Variants in SRGAP3 observed in about 807,000 individuals in gnomAD.
SRGAP3 encodes the protein SLIT-ROBO Rho GTPase-activating protein 3.
Under a neutral mutation model 121.1 loss-of-function variants are expected in SRGAP3, and 39 were observed. The observed-to-expected ratio is 0.32, with a 90% CI of 0.25 to 0.42. The LOEUF is 0.42. Among genes scored for constraint, SRGAP3 ranks in the 10% least tolerant of loss-of-function variants. The pLI, the probability that SRGAP3 is intolerant of heterozygous loss-of-function variation, is 1.00. For synonymous variants in SRGAP3, 601 were observed against 570.0 expected (o/e 1.05, Z -0.77); for missense variants, 1,213 against 1,470.6 (o/e 0.82, Z 2.86).
chr3:9,078,100 C>A (rs1947057897), intron 4 of SRGAP3, among the ~76,000 whole-genome samples: 1 of 152,096 alleles, frequency 6.6e-6, no homozygotes, highest in Non-Finnish European at 1.5e-5. Flanking sequence ...GAGGTTTGGT[C>A]TGAGTTTGAA....
Position 9,149,915 on chromosome 3 carries a change from C to T in SRGAP3, c.68-24998G>A, listed in dbSNP as rs192820426. 7.6e-3 allele frequency among the ~76,000 whole-genome samples: 1,153 copies of T among 152,334 alleles called. 28 individuals are homozygous for T. Among genetic ancestry groups the T allele is most frequent in the Non-Finnish European group, 5.7e-3 (387 of 68,040 alleles). On this transcript the variant is annotated intron_variant, in intron 1 of 21. Transcript: ENST00000383836. ...ATGCACCCCATCCAGCCAGCCATGG[C>T]TCCATCCATTCATTCACCATGGGTT...
intron 1 of SRGAP3, among the ~76,000 whole-genome samples, chr3:9,177,355 A>C (rs1224036701): frequency 9.9e-5 from 15 of 152,230 alleles, no homozygotes; most frequent in Admixed American, 9.8e-4. Flanking sequence ...TAAAGGAGGC[A>C]TTAACTAGGT....
At chr3:9,252,367 C>G (rs1235618533), upstream of SRGAP3, among the ~76,000 whole-genome samples, 1 of 152,110 alleles carries the variant, frequency 6.6e-6, no homozygotes, top group South Asian at 2.1e-4. Context: ...TCTCCCACCT[C>G]AGCCTCCCGA....
At position 9,317,087 on chromosome 3, in the gene SRGAP3, C is replaced by T. The variant is rs1313288837; in HGVS notation, n.442+8923G>A. Among the ~76,000 whole-genome samples the T allele has an allele frequency of 9.2e-5, 14 of 152,138 alleles. No individual in the cohort carries two copies. In the South Asian group the frequency reaches 2.7e-3, roughly 29 times the overall value. On this transcript the variant is annotated intron_variant and non_coding_transcript_variant, in intron 3 of 3. Coordinates refer to the SRGAP3 transcript ENST00000490889. ...CAACCCTCTGAAAAGTGAAAGCAGTCGAGGAAAAAGAAAAAGGGGCCAGCC... is the reference window on the plus strand; with the variant it reads ...CAACCCTCTGAAAAGTGAAAGCAGTTGAGGAAAAAGAAAAAGGGGCCAGCC...
rs187405354 is a variant in SRGAP3, at chr3:9,176,904, G to A, written c.68-51987C>T. 1.0e-3 allele frequency among the ~76,000 whole-genome samples: 159 copies of A among 152,234 alleles called. 1 individual carries two copies. Among genetic ancestry groups the A allele is most frequent in the Admixed American group, 2.0e-3 (31 of 15,302 alleles). On this transcript the variant is annotated intron_variant, in intron 1 of 21. Coordinates refer to ENST00000383836, the MANE Select transcript of SRGAP3 (RefSeq NM_014850.4). ...ACATTTCAACATGAGATTTGGGCAG[G>A]GACAAATATCCAGACTGTATCAACT...
rs1560139140 is a variant in SRGAP3, at chr3:9,096,993, A to ACG, written c.423+7686_423+7687insCG. Among the ~76,000 whole-genome samples the ACG allele has an allele frequency of 7.5e-4, 102 of 136,434 alleles. 1 individual carries two copies. Among genetic ancestry groups the ACG allele is most frequent in the African/African-American group, 2.6e-3 (98 of 37,170 alleles). The allele number at this position is 136,434 out of a possible 152,430, so 89.5% of individuals were successfully genotyped here. On this transcript the variant is annotated intron_variant, in intron 3 of 21. Transcript: ENST00000383836. ...TATATATATATATACACATACACAC[A>ACG]CATATATATATATTAGAGACAGGGT...
rs73122699 is a variant in SRGAP3, at chr3:9,284,111, G to A, written n.442+41899C>T. 8.9e-3 allele frequency among the ~76,000 whole-genome samples: 1,335 copies of A among 150,576 alleles called. 18 individuals are homozygous for A. The highest frequency in any genetic ancestry group is 0.03 in the African/African-American group (1,218 of 41,132). On this transcript the variant is annotated intron_variant and non_coding_transcript_variant, in intron 3 of 3. Coordinates refer to the SRGAP3 transcript ENST00000490889. ...AGAGTTGTATGTCACTCATTCTCCC[G>A]AGTTAAAAAAAAATGGTGTTTAATA...
intron 1 of SRGAP3, among the ~76,000 whole-genome samples, chr3:9,341,223 G>C (rs1046001195): frequency 6.6e-6 from 1 of 152,186 alleles, no homozygotes; most frequent in African/African-American, 2.4e-5. Context: ...GAGGAGGGGA[G>C]AGGAACACAA....
At chr3:9,281,564 C>T (rs202010528) in intron 3 of SRGAP3, among the ~76,000 whole-genome samples, 1 of 150,178 alleles carries the variant, frequency 6.7e-6, no homozygotes, top group African/African-American at 2.5e-5. Context: ...ATTATTATTA[C>T]TATTATTATG....
At chr3:9,138,739 C>T (rs188839687) in intron 1 of SRGAP3, among the ~76,000 whole-genome samples, 31 of 152,290 alleles carry the variant, frequency 2.0e-4, no homozygotes, top group East Asian at 1.5e-3. Context: ...AGATACACAA[C>T]GCACAGTTTA....
At chr3:9,205,917 T>G (rs1952250776) in intron 1 of SRGAP3, among the ~76,000 whole-genome samples, 1 of 152,144 alleles carries the variant, frequency 6.6e-6, no homozygotes, top group South Asian at 2.1e-4. Flanking sequence ...ACGGGGTACC[T>G]AGAGTAGTCA....
intron 1 of SRGAP3, among the ~76,000 whole-genome samples, chr3:9,208,046 T>C (rs1240702501): frequency 6.6e-6 from 1 of 152,152 alleles, no homozygotes; most frequent in Non-Finnish European, 1.5e-5. Context: ...CCCATCTCCC[T>C]ATCCAGACAG....
chr3:9,277,629 A>AAT (rs1954609204), intron 3 of SRGAP3, among the ~76,000 whole-genome samples: 1 of 150,054 alleles, frequency 6.7e-6, no homozygotes, highest in Admixed American at 6.7e-5. Flanking sequence ...AAAAAAAAAA[A>AAT]ATTAGCCAGG....
intron 1 of SRGAP3, among the ~76,000 whole-genome samples, chr3:9,346,971 G>C (rs1209610548): frequency 6.6e-6 from 1 of 151,934 alleles, no homozygotes; most frequent in Non-Finnish European, 1.5e-5. Context: ...GGCCAGGCTA[G>C]TCTCGAACTC....
At position 9,108,979 on chromosome 3, in the gene SRGAP3, G is replaced by A. The variant is rs373548454; in HGVS notation, c.261-4137C>T. ...TGATTCCGAGGCTCAGATCTTAGGC[G>A]ACTGGGTAGATGCTGATGACATGAA... On this transcript the variant is annotated intron_variant, in intron 2 of 21. Coordinates refer to ENST00000383836, the MANE Select transcript of SRGAP3 (RefSeq NM_014850.4). 3.3e-5 allele frequency among the ~76,000 whole-genome samples: 5 copies of A among 152,314 alleles called. No homozygotes were observed. The South Asian group carries it at 6.2e-4, about 19-fold the overall frequency.
At chr3:9,309,483 G>GT (rs1955208827) in intron 3 of SRGAP3, among the ~76,000 whole-genome samples, 1 of 152,146 alleles carries the variant, frequency 6.6e-6, no homozygotes, top group South Asian at 2.1e-4. Flanking sequence ...GCTTTAGAGA[G>GT]TAGCCTCCAA....
intron 3 of SRGAP3, among the ~76,000 whole-genome samples, chr3:9,284,808 G>A (rs534097984): frequency 2.7e-5 from 4 of 148,704 alleles, no homozygotes; most frequent in African/African-American, 1.0e-4. Flanking sequence ...ACTCCAGCCT[G>A]GGCAATAGAA....
chr3:9,113,052 G>C (rs1487106963), intron 2 of SRGAP3, among the ~76,000 whole-genome samples: 1 of 152,242 alleles, frequency 6.6e-6, no homozygotes, highest in African/African-American at 2.4e-5. Flanking sequence ...CAGAAAGTGA[G>C]TGTGGCCAGA....
At position 9,260,027 on chromosome 3, in the gene SRGAP3, T is replaced by C. The variant is rs552319217; in HGVS notation, n.442+65983A>G. ...AGCAGAAGCAGGGTGGGGCGTCGCCTTACCTGGGAAGCACAAGGAGTCAGG... is the reference window on the plus strand; with the variant it reads ...AGCAGAAGCAGGGTGGGGCGTCGCCCTACCTGGGAAGCACAAGGAGTCAGG... On this transcript the variant is annotated intron_variant and non_coding_transcript_variant, in intron 3 of 3. Coordinates refer to the SRGAP3 transcript ENST00000490889. 1.1e-4 allele frequency among the ~76,000 whole-genome samples: 17 copies of C among 151,714 alleles called. 1 individual carries two copies. The highest frequency in any genetic ancestry group is 1.1e-3 in the Admixed American group (17 of 15,256).
Sources: gnomAD v4.1 joint callset for allele counts (sites outside exome capture counted in the v4.1 genomes callset) on GRCh38, gnomAD v4.1.1 for gene constraint, MANE v1.5 for transcripts, NCBI Gene and HGNC (gene_info 2026-07-23, HGNC 2026-07-21) for gene names.